RIMBP2: variants seen among roughly 807,000 people sequenced by gnomAD.
The protein encoded by RIMBP2 is RIMS-binding protein 2.
A neutral mutation model predicts 118.6 loss-of-function variants in RIMBP2; 48 were observed. The observed-to-expected ratio is 0.40, with a 90% CI of 0.32 to 0.51. The LOEUF (loss-of-function observed/expected upper bound fraction) is 0.51. RIMBP2 is among the 20% of genes least tolerant of loss of function. The probability of loss-of-function intolerance (pLI) is 0.41; values close to 1 mark genes in which losing one functional copy is unlikely to be tolerated. For missense variants in RIMBP2, 1,551 were observed against 1,768.3 expected (o/e 0.88, Z 2.20); for synonymous variants, 762 against 742.9 (o/e 1.03, Z -0.42).
At chr12:130,473,367 G>T (rs2081169984) in intron 5 of RIMBP2, among the ~76,000 whole-genome samples, 1 of 152,262 alleles carries the variant, frequency 6.6e-6, no homozygotes, top group Non-Finnish European at 1.5e-5. Context: ...TGAGGAACAG[G>T]CCTGTTACCC....
intron 3 of RIMBP2, among the ~76,000 whole-genome samples, chr12:130,510,619 C>T (rs1218989448): frequency 1.3e-5 from 2 of 152,128 alleles, no homozygotes; most frequent in African/African-American, 2.4e-5. Context: ...CAGGTGCACA[C>T]CACCATGCCT....
chr12:130,604,601 T>TTTTTTTTTA (rs2060069237), intron 2 of RIMBP2, among the ~76,000 whole-genome samples: 1 of 71,660 alleles, frequency 1.4e-5, no homozygotes, highest in African/African-American at 5.3e-5. Flanking sequence ...TTTTTTTTTT[T>TTTTTTTTTA]GAGACAGAGT....
At chr12:130,493,113 G>A (rs1048214659) in intron 4 of RIMBP2, among the ~76,000 whole-genome samples, 6 of 152,058 alleles carry the variant, frequency 3.9e-5, no homozygotes, top group Non-Finnish European at 8.8e-5. Context: ...TCCAGCCTGG[G>A]TGAGAGAGTG....
intron 2 of RIMBP2, among the ~76,000 whole-genome samples, chr12:130,606,078 GAAAAAGAAAAGAGA>G: frequency 6.6e-6 from 1 of 150,506 alleles, no homozygotes; most frequent in East Asian, 2.0e-4. Flanking sequence ...AAAACAAAAA[GAAAAAGAAAAGAGA>G]GGAAAAAAAA....
chr12:130,431,542 CTTATT>C lies in RIMBP2; in HGVS notation c.2253+3187_2253+3191del, dbSNP rs1309234308. 2.3e-5 allele frequency: 6 copies of C among 266,088 alleles called. No individual in the cohort carries two copies. Among genetic ancestry groups the C allele is most frequent in the East Asian group, 1.0e-4 (1 of 9,648 alleles). The allele number at this position is 266,088 out of a possible 1,614,324, so 16.5% of individuals were successfully genotyped here. On this transcript the variant is annotated intron_variant, in intron 14 of 22. Transcript: ENST00000690449. This position sits in a 1 kb window ranked among gnomAD's most constrained non-coding sequence, Gnocchi z 4.0. ...AACTGTAAATGGAAAATAAGTATCA[CTTATT>C]TTATGTTATATTATTATATTATTAA...
intron 19 of RIMBP2, 79 bp from the exon 20 acceptor site, chr12:130,407,908 C>T: frequency 1.5e-6 from 2 of 1,299,078 alleles, no homozygotes; most frequent in Non-Finnish European, 2.2e-6. Flanking sequence ...TTCCGGGTCA[C>T]ACATGGCCAA....
chr12:130,510,894 C>T (rs2050846280), intron 3 of RIMBP2, among the ~76,000 whole-genome samples: 1 of 152,012 alleles, frequency 6.6e-6, no homozygotes, highest in Non-Finnish European at 1.5e-5. Context: ...CTCTGGTTCG[C>T]AACAAGGAGG....
At chr12:130,704,653 T>C (rs931434651) in intron 1 of RIMBP2, among the ~76,000 whole-genome samples, 3 of 152,108 alleles carry the variant, frequency 2.0e-5, no homozygotes, top group Non-Finnish European at 4.4e-5. Context: ...TAGATGGCAC[T>C]CCGCATTTTC....
intron 2 of RIMBP2, among the ~76,000 whole-genome samples, chr12:130,611,283 A>G (rs1028165088): frequency 2.0e-5 from 3 of 152,188 alleles, no homozygotes; most frequent in Admixed American, 6.5e-5. Flanking sequence ...CCCACAGGGG[A>G]AGCACTCAGT....
At chr12:130,693,426 A>G (rs889463208) in intron 1 of RIMBP2, among the ~76,000 whole-genome samples, 3 of 152,186 alleles carry the variant, frequency 2.0e-5, no homozygotes, top group Admixed American at 6.5e-5. Flanking sequence ...TGTTAGGGCA[A>G]GCACAAAAGG....
chr12:130,529,482 G>A (rs1487854812), intron 2 of RIMBP2, among the ~76,000 whole-genome samples: 2 of 152,190 alleles, frequency 1.3e-5, no homozygotes, highest in Admixed American at 6.5e-5. Flanking sequence ...AAGAGGAGGG[G>A]CTACCTGGCT....
rs769082180 is a variant in RIMBP2, at chr12:130,434,778, C to T, written c.2209G>A (p.Ala737Thr). 6 of 1,613,702 alleles carry T rather than the reference C, an allele frequency of 3.7e-6. No individual in the cohort carries two copies. The highest frequency in any genetic ancestry group is 1.3e-5 in the African/African-American group (1 of 74,922). The part of the protein sequence containing the change: ...YDSPDFKRRG[A>T]SVDDFLKGSE... ...CCTTTCAGGAAGTCGTCCACCGAGG[C>T]GCCCCTCCTCTTGAAGTCTGGAGAG... The change falls in exon 14 of 23, where the codon GCC becomes ACC. Residue 737 changes from alanine (A) to threonine (T), a missense_variant. Coordinates refer to ENST00000690449, the MANE Select transcript of RIMBP2 (RefSeq NM_001393629.1). The surrounding 1 kb of genome is among the most constrained non-coding windows in gnomAD (Gnocchi z 5.7).
chr12:130,545,208 C>T (rs1408107902), intron 2 of RIMBP2, among the ~76,000 whole-genome samples: 1 of 152,150 alleles, frequency 6.6e-6, no homozygotes, highest in Non-Finnish European at 1.5e-5. Context: ...CTCGTCAGGA[C>T]TCCCTGGTAC....
At chr12:130,477,858 C>T (rs1383278645) in intron 5 of RIMBP2, among the ~76,000 whole-genome samples, 1 of 152,218 alleles carries the variant, frequency 6.6e-6, no homozygotes, top group Non-Finnish European at 1.5e-5. Flanking sequence ...CAGCCAGCAC[C>T]GGGCGGGAGG....
chr12:130,478,031 T>C (rs1018169128), intron 5 of RIMBP2, among the ~76,000 whole-genome samples: 3 of 152,130 alleles, frequency 2.0e-5, no homozygotes, highest in East Asian at 3.9e-4. Context: ...CCCAAGCCCA[T>C]AGGCTCCGGG....
intron 1 of RIMBP2, among the ~76,000 whole-genome samples, chr12:130,685,895 C>A (rs1013805607): frequency 6.6e-6 from 1 of 152,196 alleles, no homozygotes; most frequent in Non-Finnish European, 1.5e-5. Flanking sequence ...ATCAGCCAAT[C>A]TTTCTTTAAG....
chr12:130,435,464 C>T (rs1332886216), intron 13 of RIMBP2, among the ~76,000 whole-genome samples: 1 of 152,170 alleles, frequency 6.6e-6, no homozygotes, highest in African/African-American at 2.4e-5. Flanking sequence ...AAACATAGGA[C>T]TTGGAAGTAT....
At position 130,710,208 on chromosome 12, in the gene RIMBP2, C is replaced by A. The variant is rs1949806632; in HGVS notation, c.-352+6014G>T. ...TCGCAGATCCATTCCTCCCTCTGCC[C>A]TCGGGGCCTGAACCTCTCTCCCAGG... On this transcript the variant is annotated intron_variant, in intron 1 of 22. Transcript: ENST00000690449. The surrounding 1 kb of genome is among the most constrained non-coding windows in gnomAD (Gnocchi z 4.3). 6.6e-6 allele frequency among the ~76,000 whole-genome samples: 1 copy of A among 152,136 alleles called. No individual in the cohort carries two copies. The highest frequency in any genetic ancestry group is 1.5e-5 in the Non-Finnish European group (1 of 68,020).
chr12:130,702,038 G>T (rs997353634), intron 1 of RIMBP2, among the ~76,000 whole-genome samples: 2 of 152,156 alleles, frequency 1.3e-5, no homozygotes, highest in Non-Finnish European at 2.9e-5. Flanking sequence ...GCCAATTTCA[G>T]TCAATAATCC....
Sources: allele counts gnomAD v4.1 joint callset (sites outside exome capture counted in the v4.1 genomes callset), GRCh38; gene constraint gnomAD v4.1.1; non-coding constraint Gnocchi (gnomAD v3.1); transcripts MANE v1.5; gene names NCBI Gene and HGNC (gene_info 2026-07-23, HGNC 2026-07-21).